The following TLE4 variants were observed in gnomAD, a reference collection of about 807,000 sequenced individuals.
The protein encoded by TLE4 is transducin-like enhancer protein 4.
A neutral mutation model predicts 92.8 loss-of-function variants in TLE4; 8 were observed. The observed-to-expected ratio is 0.09, with a 90% CI of 0.05 to 0.16. The LOEUF is 0.16. Among genes scored for constraint, TLE4 ranks in the 10% least tolerant of loss-of-function variants. The probability of loss-of-function intolerance (pLI) is 1.00; values close to 1 mark genes in which losing one functional copy is unlikely to be tolerated. For missense variants in TLE4, 675 were observed against 997.6 expected, an observed-to-expected ratio of 0.68 and a Z score of 4.36; for synonymous variants, 371 against 374.1, an observed-to-expected ratio of 0.99 and a Z score of 0.10.
chr9:79,639,150 G>C (rs1046119405), intron 6 of TLE4, among the ~76,000 whole-genome samples: 4 of 152,050 alleles, frequency 2.6e-5, no homozygotes, highest in African/African-American at 9.7e-5. Flanking sequence ...TGATGGGAGG[G>C]GATGGGATTT....
intron 19 of TLE4, among the ~76,000 whole-genome samples, chr9:79,723,495 C>G (rs773611715): frequency 2.0e-5 from 3 of 152,072 alleles, no homozygotes; most frequent in Non-Finnish European, 4.4e-5. Context: ...TCCCTATTGA[C>G]TCAGTGGAAC....
chr9:79,652,996 A>G (rs1380919820), intron 7 of TLE4: 6 of 694,482 alleles, frequency 8.6e-6, no homozygotes, highest in South Asian at 1.4e-5. Context: ...CATACTCCCT[A>G]GAGGCAGAGG....
intron 6 of TLE4, among the ~76,000 whole-genome samples, chr9:79,648,990 A>C (rs1271333111): frequency 6.6e-6 from 1 of 152,190 alleles, no homozygotes; most frequent in East Asian, 1.9e-4. Context: ...CAGAGAGCCA[A>C]AGAAAGGCTG....
Position 79,576,156 on chromosome 9 carries a change from G to A in TLE4, c.231G>A (p.Leu77=), listed in dbSNP as rs2037681905. Residue 77 remains leucine, a synonymous_variant, in exon 4 of 20, where the codon TTG becomes TTA. Transcript: ENST00000376552. ...AGTATTATGAAATGTCCTATGGGTT[G>A]AATATAGAAATGCACAAGCAGGTAA... ...YVMYYEMSYG[L]NIEMHKQAEI... is the part of the protein sequence containing the mutation. 1 of 1,539,054 alleles carries A rather than the reference G, an allele frequency of 6.5e-7. No individual in the cohort carries two copies. The highest frequency in any genetic ancestry group is 8.8e-7 in the Non-Finnish European group (1 of 1,137,048).
At chr9:79,585,697 C>T (rs949121903) in intron 4 of TLE4, among the ~76,000 whole-genome samples, 14 of 151,776 alleles carry the variant, frequency 9.2e-5, no homozygotes, top group African/African-American at 3.4e-4. Flanking sequence ...TCTCTTTTAG[C>T]ACTTATTTTC....
chr9:79,589,071 G>A (rs2041913644), intron 4 of TLE4, among the ~76,000 whole-genome samples: 2 of 152,196 alleles, frequency 1.3e-5, no homozygotes, highest in African/African-American at 4.8e-5. Flanking sequence ...ACATCTGCAT[G>A]TACAGGACAG....
At chr9:79,709,775 C>A in intron 14 of TLE4, 76 bp downstream of exon 14, 4 of 1,267,340 alleles carry the variant, frequency 3.2e-6, no homozygotes, top group Non-Finnish European at 4.6e-6. Context: ...CTTAGAATAC[C>A]ACTAGACAGT....
At chr9:79,620,129 A>G (rs535747230) in intron 5 of TLE4, among the ~76,000 whole-genome samples, 1 of 152,244 alleles carries the variant, frequency 6.6e-6, no homozygotes, top group Non-Finnish European at 1.5e-5. Context: ...CAACAAATTA[A>G]TGAGTGTTTG....
At chr9:79,654,350 ATAAC>A (rs1564675780) in intron 8 of TLE4, among the ~76,000 whole-genome samples, 8 of 152,058 alleles carry the variant, frequency 5.3e-5, no homozygotes, top group African/African-American at 1.9e-4. Context: ...TGAAAAAAAA[ATAAC>A]TGCTTTTCTT....
chr9:79,723,376 T>A (rs2075941392), intron 19 of TLE4, among the ~76,000 whole-genome samples: 1 of 152,268 alleles, frequency 6.6e-6, no homozygotes, highest in Admixed American at 6.5e-5. Context: ...ACTTGAGCAT[T>A]TTGCTTAAAT....
At chr9:79,628,238 GACACTACA>G (rs2053184244) in intron 6 of TLE4, among the ~76,000 whole-genome samples, 1 of 152,028 alleles carries the variant, frequency 6.6e-6, no homozygotes, top group South Asian at 2.1e-4. Flanking sequence ...TTCTAATGAA[GACACTACA>G]ACTGCACTTT....
At chr9:79,719,496 T>G (rs1418412904) in intron 15 of TLE4, among the ~76,000 whole-genome samples, 1 of 152,188 alleles carries the variant, frequency 6.6e-6, no homozygotes, top group Non-Finnish European at 1.5e-5. Context: ...GAGGAACTTT[T>G]TTTTTCTGTA....
At chr9:79,673,353 C>A (rs746593064) in intron 8 of TLE4, among the ~76,000 whole-genome samples, 8 of 152,154 alleles carry the variant, frequency 5.3e-5, no homozygotes, top group Non-Finnish European at 1.2e-4. Context: ...TAGACCCCAA[C>A]CAGTGGTCCA....
At chr9:79,705,413 A>G (rs1328244094) in intron 9 of TLE4, among the ~76,000 whole-genome samples, 1 of 152,168 alleles carries the variant, frequency 6.6e-6, no homozygotes, top group African/African-American at 2.4e-5. Context: ...AGCTGGATGG[A>G]GCAGTGTGGA....
At chr9:79,650,894 CT>C (rs1173416476) in intron 6 of TLE4, among the ~76,000 whole-genome samples, 4 of 151,888 alleles carry the variant, frequency 2.6e-5, no homozygotes, top group Non-Finnish European at 5.9e-5. Flanking sequence ...TGTACTTGGA[CT>C]TTTGTAGTCA....
rs188847698 is a variant in TLE4, at chr9:79,595,340, A to C, written c.253-17316A>C. Among the ~76,000 whole-genome samples the C allele has an allele frequency of 3.2e-3, 485 of 152,352 alleles. 3 individuals carry two copies. The highest frequency in any genetic ancestry group is 5.9e-3 in the Admixed American group (90 of 15,310). ...GTGCAGGTCTGTGAACTATTTCTTA[A>C]AGATGGGTGAATGAGATAAGGTACT... On this transcript the variant is annotated intron_variant, in intron 4 of 19. Coordinates refer to ENST00000376552, the MANE Select transcript of TLE4 (RefSeq NM_007005.6).
chr9:79,709,563 G>A (rs754597690), intron 13 of TLE4, 60 bp from the exon 14 acceptor site: 13 of 1,472,314 alleles, frequency 8.8e-6, no homozygotes, highest in Non-Finnish European at 1.2e-5. Flanking sequence ...TTTTGAGAAG[G>A]ATAAAACAAG....
chr9:79,704,965 C>T (rs755518651), intron 9 of TLE4, 63 bp downstream of exon 9: 2 of 1,600,408 alleles, frequency 1.2e-6, no homozygotes, highest in Non-Finnish European at 1.7e-6. Context: ...AGCCATTTTA[C>T]CCTTTGACTA....
chr9:79,587,130 A>G (rs2041319546), intron 4 of TLE4, among the ~76,000 whole-genome samples: 1 of 152,256 alleles, frequency 6.6e-6, no homozygotes, highest in Non-Finnish European at 1.5e-5. Flanking sequence ...ACCTAAAACA[A>G]TGCCTGGAAT....
Sources: allele counts gnomAD v4.1 joint callset (sites outside exome capture counted in the v4.1 genomes callset), GRCh38; gene constraint gnomAD v4.1.1; transcripts MANE v1.5; gene names NCBI Gene and HGNC (gene_info 2026-07-23, HGNC 2026-07-21).